Variants in LBHD1 observed in about 807,000 individuals in gnomAD.
LBHD1 encodes LBH domain-containing protein 1.
Under a neutral mutation model 31.1 loss-of-function variants are expected in LBHD1, and 28 were observed. The ratio of observed to expected loss-of-function variants is 0.90; its 90% CI spans 0.67 to 1.24. LBHD1 has a LOEUF of 1.24. Among genes scored for constraint, LBHD1 ranks in the 50% most tolerant of loss-of-function variants. The probability of loss-of-function intolerance (pLI) is 0.00; values close to 1 mark genes in which losing one functional copy is unlikely to be tolerated. For synonymous variants in LBHD1, 105 were observed against 116.5 expected (o/e 0.90, Z 0.63); for missense variants, 350 against 323.0 (o/e 1.08, Z -0.64).
intron 4 of LBHD1, chr11:62,665,848 G>A: frequency 1.2e-6 from 2 of 1,608,830 alleles, no homozygotes; most frequent in Non-Finnish European, 1.7e-6. Flanking sequence ...CTTCACATAA[G>A]CTTCTCTGGT....
In LBHD1 at chr11:62,664,955, A is replaced by T; in HGVS notation, c.557T>A (p.Val186Asp). 2 of 1,612,146 alleles carry T rather than the reference A, an allele frequency of 1.2e-6. No individual in the cohort carries two copies. Among genetic ancestry groups the T allele is most frequent in the Non-Finnish European group, 1.7e-6 (2 of 1,179,586 alleles). The stretch of plus-strand genomic sequence containing the variant: ...CGATTCAACACCCGCCGGCGTTTGA[A>T]CAGCTTCTTCTTCAGCTCCTGCCGG... Reference protein sequence around the residue: ...NSFEGAEEEAVQTPAGVESGA... With the variant: ...NSFEGAEEEADQTPAGVESGA... The change falls in exon 5 of 7, where the codon GTT becomes GAT. Residue 186 changes from valine (V) to aspartate (D), a missense_variant. Val to Asp is a radical substitution (Grantham distance 152). Coordinates refer to ENST00000354588, the MANE Select transcript of LBHD1 (RefSeq NM_024099.5).
At chr11:62,666,175 C>T (rs1944804263) in intron 4 of LBHD1, 1 of 702,580 alleles carries the variant, frequency 1.4e-6, no homozygotes, top group Non-Finnish European at 2.3e-6. Flanking sequence ...TAGCGAGACC[C>T]TGTCTACAAA....
intron 5 of LBHD1, among the ~76,000 whole-genome samples, chr11:62,663,753 C>T (rs897224712): frequency 6.0e-5 from 9 of 150,302 alleles, no homozygotes; most frequent in South Asian, 4.2e-4. Flanking sequence ...AATAGAAACC[C>T]TAAATATTTA....
intron 4 of LBHD1, chr11:62,665,869 C>G (rs376122030): frequency 1.9e-5 from 31 of 1,612,518 alleles, no homozygotes; most frequent in Admixed American, 3.3e-5. Flanking sequence ...CGAACTTACC[C>G]GAATCTCCAG....
Position 62,669,868 on chromosome 11 carries a change from G to A in LBHD1, c.150+14C>T. ...GTAAGCCAGCTGCCAGACACAGGCT[G>A]AGGAAGTACTAACCTGAATGTGCTG... On this transcript the variant is annotated intron_variant, in intron 2 of 6. Transcript: ENST00000354588. 1 of 1,614,238 alleles carries A rather than the reference G, an allele frequency of 6.2e-7. No homozygotes were observed. Among genetic ancestry groups the A allele is most frequent in the East Asian group, 2.2e-5 (1 of 44,892 alleles).
In LBHD1 at chr11:62,667,799, T is replaced by G. The variant is rs372748611; in HGVS notation, c.314-52A>C. ...AAATATTACTGATATATTATCAAATTACAAAACTAGGCCAGGCATGCTGGC... is the reference window on the plus strand; with the variant it reads ...AAATATTACTGATATATTATCAAATGACAAAACTAGGCCAGGCATGCTGGC... On this transcript the variant is annotated intron_variant, in intron 3 of 6. Transcript: ENST00000354588. The G allele has an allele frequency of 2.5e-4, 325 of 1,311,630 alleles. 2 individuals are homozygous for G. In the Middle Eastern group the frequency reaches 6.0e-3, roughly 24 times the overall value. 81.2% of individuals were successfully genotyped at this position (1,311,630 alleles called of 1,614,324 possible).
intron 4 of LBHD1, chr11:62,665,204 TC>T (rs1944762491): frequency 1.3e-6 from 1 of 799,774 alleles, no homozygotes; most frequent in African/African-American, 1.7e-5. Context: ...GGTCCGTACT[TC>T]CGCTCAGCGC....
Position 62,667,730 on chromosome 11 carries a change from G to A in LBHD1, c.331C>T (p.Gln111Ter). ...GTTCTTAAAGGACTTCTAGGGTCCT[G>A]TGGGCTCCAAGCCCAGCCTGGGATG... ...SEEPGWAWSPQDPRSPLRTFN... is the reference protein window; with the variant it reads ...SEEPGWAWSP Residue 111 changes from glutamine (Q) to a stop codon, truncating the protein, a stop_gained, in exon 4 of 7, where the codon CAG becomes TAG. Coordinates refer to ENST00000354588, the MANE Select transcript of LBHD1 (RefSeq NM_024099.5). LOFTEE classifies it high-confidence loss of function. 6.2e-7 allele frequency: 1 copy of A among 1,608,676 alleles called. No individual in the cohort carries two copies. The highest frequency in any genetic ancestry group is 8.5e-7 in the Non-Finnish European group (1 of 1,175,434).
chr11:62,666,208 C>A, intron 4 of LBHD1: 1 of 725,292 alleles, frequency 1.4e-6, no homozygotes. Context: ...GGCACGATGG[C>A]GCCTATAGTC....
rs747797369 is a variant in LBHD1, at chr11:62,672,113, G to C, written c.-560C>G. 2 of 1,572,622 alleles carry C rather than the reference G, an allele frequency of 1.3e-6. No homozygotes were observed. The highest frequency in any genetic ancestry group is 1.7e-6 in the Non-Finnish European group (2 of 1,160,320). On this transcript the variant is annotated 5_prime_UTR_variant, in exon 1 of 7. The change creates a premature stop within an existing upstream ORF in the 5' untranslated region. Coordinates refer to ENST00000354588, the MANE Select transcript of LBHD1 (RefSeq NM_024099.5). ...GGCGGCGCCGGCGGGAGGTCACCGT[G>C]AGACCGGACTTGCCTCCGTGGGCGC...
chr11:62,672,201 G>T lies in LBHD1; in HGVS notation c.-648C>A. On this transcript the variant is annotated 5_prime_UTR_variant, in exon 1 of 7. Coordinates refer to ENST00000354588, the MANE Select transcript of LBHD1 (RefSeq NM_024099.5). The stretch of plus-strand genomic sequence containing the variant: ...TTCTCCTTCGTGGGCCCAGCGGAGA[G>T]TCCGGACCGAGATACCATGCCAGGA... The T allele has an allele frequency of 7.3e-7, 1 of 1,373,294 alleles. No homozygotes were observed. The allele number at this position is 1,373,294 out of a possible 1,614,324, so 85.1% of individuals were successfully genotyped here. A position where few individuals can be genotyped will look rare whatever the true frequency, so the allele number is the denominator to read the frequency against.
intron 3 of LBHD1, among the ~76,000 whole-genome samples, chr11:62,669,246 A>G (rs2134646332): frequency 6.6e-6 from 1 of 151,596 alleles, no homozygotes; most frequent in Admixed American, 6.6e-5. Flanking sequence ...AAATGTTTAC[A>G]TTGCTGCAGG....
At chr11:62,669,349 A>G in intron 3 of LBHD1, 1 of 963,832 alleles carries the variant, frequency 1.0e-6, no homozygotes, top group Non-Finnish European at 1.2e-6. Context: ...GTGAGCTGAG[A>G]TCGCGCCACT....
intron 4 of LBHD1, 89 bp from the exon 5 acceptor site, chr11:62,665,062 C>A (rs1161155530): frequency 5.1e-6 from 8 of 1,565,378 alleles, no homozygotes; most frequent in Non-Finnish European, 6.9e-6. Context: ...CTCACTGATC[C>A]CATCTCGTGC....
rs1249784834 is a variant in LBHD1, at chr11:62,663,295, T to A, written c.702A>T (p.Glu234Asp). Residue 234 changes from glutamate (E) to aspartate (D), a missense_variant, in exon 6 of 7, where the codon GAA (glutamate) becomes GAT (aspartate). Physicochemically the swap from Glu to Asp is conservative, Grantham distance 45 (BLOSUM62 2). Transcript: ENST00000354588. ...GATCTGCTGGAGGAGTTTTCTGCGC[T>A]TCTTCCCTGACAGTGTAATGTTGGC... ...CTCQHYTVRE[E>D]AQKTPPADPA... 6 of 1,614,210 alleles carry A rather than the reference T, an allele frequency of 3.7e-6. No homozygotes were observed. The highest frequency in any genetic ancestry group is 3.4e-6 in the Non-Finnish European group (4 of 1,180,048).
intron 4 of LBHD1, chr11:62,665,348 G>C: frequency 1.2e-6 from 1 of 816,364 alleles, no homozygotes. Context: ...TGTGGTTTTA[G>C]CTGTAGTAGC....
In LBHD1 at chr11:62,665,375, G is replaced by C. The variant is rs766187613; in HGVS notation, c.539-402C>G. On this transcript the variant is annotated intron_variant, in intron 4 of 6. Transcript: ENST00000354588. ...TGTAGTAGCCAGATTGGGCGGCCGG[G>C]AGTGGTGGGGGTGCCGGGTGGAAGG... The C allele has an allele frequency of 8.6e-6, 9 of 1,044,712 alleles. No homozygotes were observed. In the East Asian group the frequency reaches 1.7e-4, roughly 20 times the overall value. 64.7% of individuals were successfully genotyped at this position (1,044,712 alleles called of 1,614,324 possible). A position where few individuals can be genotyped will look rare whatever the true frequency, so the allele number is the denominator to read the frequency against.
At chr11:62,663,445 G>T in intron 5 of LBHD1, 112 bp from the exon 6 acceptor site, 2 of 1,115,784 alleles carry the variant, frequency 1.8e-6, no homozygotes, top group Non-Finnish European at 2.5e-6. Flanking sequence ...AGTGGCTCAC[G>T]CCTGTAATCC....
In LBHD1 at chr11:62,663,754, TA is replaced by T. The variant is rs1170131887; in HGVS notation, c.664-422del. The stretch of plus-strand genomic sequence containing the variant: ...ATAATATAAATAGTAATAGAAACCC[TA>T]AATATTTACATTGAAGAAGCTAATG... On this transcript the variant is annotated intron_variant, in intron 5 of 6. Coordinates refer to ENST00000354588, the MANE Select transcript of LBHD1 (RefSeq NM_024099.5). Among the ~76,000 whole-genome samples, 3 of 147,978 alleles carry T rather than the reference TA, an allele frequency of 2.0e-5. No homozygotes were observed. In the South Asian group the frequency reaches 6.3e-4, roughly 31 times the overall value.
Sources: gnomAD v4.1 joint callset for allele counts (sites outside exome capture counted in the v4.1 genomes callset) on GRCh38, gnomAD v4.1.1 for gene constraint, MANE v1.5 for transcripts, NCBI Gene and HGNC (gene_info 2026-07-23, HGNC 2026-07-21) for gene names.